The following RIC3 variants were observed in gnomAD, a reference collection of about 807,000 sequenced individuals.
RIC3 encodes the protein RIC3 acetylcholine receptor chaperone.
Under a neutral mutation model 27.3 loss-of-function variants are expected in RIC3, and 28 were observed. The ratio of observed to expected loss-of-function variants is 1.02; its 90% CI spans 0.76 to 1.41. The LOEUF is 1.41. Ranked by LOEUF, RIC3 falls within the 40% of genes most tolerant of loss-of-function variation. The pLI is 0.00. For missense variants in RIC3, 501 were observed against 444.7 expected, an observed-to-expected ratio of 1.13 and a Z score of -1.14; for synonymous variants, 184 against 160.4, an observed-to-expected ratio of 1.15 and a Z score of -1.11.
the RIC3 span, chr11:8,098,814 A>G: frequency 6.2e-7 from 1 of 1,614,210 alleles, no homozygotes; most frequent in Non-Finnish European, 8.5e-7. Context: ...AACCCTCAGA[A>G]GGCCTCATCC....
At chr11:8,129,463 C>A (rs1160855808) in intron 4 of RIC3, among the ~76,000 whole-genome samples, 1 of 152,074 alleles carries the variant, frequency 6.6e-6, no homozygotes, top group Non-Finnish European at 1.5e-5. Flanking sequence ...CACTTGGAGG[C>A]CTTGGAACTA....
chr11:8,112,294 C>CTTTTTTTTTTTTTTTT (rs11376341), intron 5 of RIC3, among the ~76,000 whole-genome samples: 1 of 124,316 alleles, frequency 8.0e-6, no homozygotes, highest in Non-Finnish European at 1.7e-5. Context: ...CTTTTCTTTT[C>CTTTTTTTTTTTTTTTT]TTTTTTTTTT....
intron 4 of RIC3, among the ~76,000 whole-genome samples, chr11:8,129,900 G>T (rs915111848): frequency 2.6e-5 from 4 of 152,116 alleles, no homozygotes; most frequent in Admixed American, 2.0e-4. Flanking sequence ...ATTTCCTATT[G>T]CTGTTTCATA....
intron 1 of RIC3, among the ~76,000 whole-genome samples, chr11:8,144,173 T>A (rs990440781): frequency 3.3e-5 from 5 of 151,840 alleles, no homozygotes; most frequent in East Asian, 1.9e-4. Context: ...GACAAAATTG[T>A]CAAATGGGAT....
At chr11:8,156,129 C>A (rs761257603) in intron 1 of RIC3, among the ~76,000 whole-genome samples, 1 of 152,224 alleles carries the variant, frequency 6.6e-6, no homozygotes, top group Non-Finnish European at 1.5e-5. Context: ...CCGATCCACA[C>A]ACTCAATACA....
chr11:8,138,656 T>C (rs990114064), intron 2 of RIC3: 28 of 337,034 alleles, frequency 8.3e-5, no homozygotes, highest in African/African-American at 3.8e-4. Context: ...TGTGCTAACA[T>C]GCTTAGATAT....
At chr11:8,168,450 T>C (rs1436531782) in intron 1 of RIC3, among the ~76,000 whole-genome samples, 2 of 152,158 alleles carry the variant, frequency 1.3e-5, no homozygotes, top group Non-Finnish European at 1.5e-5. Context: ...CCATTTGCCT[T>C]GATTTCGTAC....
chr11:8,097,538 G>A, the RIC3 span: 1 of 1,460,430 alleles, frequency 6.8e-7, no homozygotes, highest in Non-Finnish European at 9.5e-7. Flanking sequence ...GTTCCTCAAA[G>A]AAACTGCCTT....
chr11:8,140,298 G>T, intron 1 of RIC3, 105 bp from the exon 2 acceptor site: 1 of 1,054,056 alleles, frequency 9.5e-7, no homozygotes, highest in Non-Finnish European at 1.3e-6. Flanking sequence ...CAAACAAGTA[G>T]AAGAAAAAAA....
At chr11:8,160,619 A>G (rs1188372996) in intron 1 of RIC3, among the ~76,000 whole-genome samples, 1 of 152,234 alleles carries the variant, frequency 6.6e-6, no homozygotes, top group Non-Finnish European at 1.5e-5. Context: ...AAGGCTCAGA[A>G]TTCTAATATA....
intron 5 of RIC3, among the ~76,000 whole-genome samples, chr11:8,116,451 T>G (rs1945872507): frequency 7.0e-6 from 1 of 142,092 alleles, no homozygotes; most frequent in African/African-American, 2.6e-5. Flanking sequence ...TGAAAGTTTC[T>G]GTACAGCAAA....
At chr11:8,127,035 C>A in intron 4 of RIC3, 1 of 566,054 alleles carries the variant, frequency 1.8e-6, no homozygotes, top group Non-Finnish European at 3.1e-6. Flanking sequence ...AGTGATTGCC[C>A]AAGGTCCCGA....
Position 8,110,483 on chromosome 11 carries a change from A to G in RIC3, c.*215T>C. On this transcript the variant is annotated 3_prime_UTR_variant, in exon 6 of 6. Transcript: ENST00000309737. ...ATAGAGGAAAGGCAGGAAGAGAAAG[A>G]GCGAAGCTGTCCTGTGTTCACACTA... is the stretch of plus-strand genomic sequence containing the variant. 1 of 624,586 alleles carries G rather than the reference A, an allele frequency of 1.6e-6. No homozygotes were observed. Among genetic ancestry groups the G allele is most frequent in the Non-Finnish European group, 2.9e-6 (1 of 347,898 alleles). The allele number at this position is 624,586 out of a possible 1,614,324, so 38.7% of individuals were successfully genotyped here. A position where few individuals can be genotyped will look rare whatever the true frequency, so the allele number is the denominator to read the frequency against.
chr11:8,146,569 A>T (rs569458702), intron 1 of RIC3, among the ~76,000 whole-genome samples: 32 of 152,354 alleles, frequency 2.1e-4, no homozygotes, highest in Admixed American at 1.2e-3. Context: ...TGAGCCAAAT[A>T]TAAGTGACCA....
At position 8,110,553 on chromosome 11, in the gene RIC3, G is replaced by T. The variant is rs1470083907; in HGVS notation, c.*145C>A. ...TGACAGGTGTGTGAGCACCAGGAAG[G>T]ATACATGATATCCATGATAGTGGCC... On this transcript the variant is annotated 3_prime_UTR_variant, in exon 6 of 6. Coordinates refer to ENST00000309737, the MANE Select transcript of RIC3 (RefSeq NM_001206671.4). The T allele has an allele frequency of 2.6e-6, 2 of 769,082 alleles. No homozygotes were observed. The highest frequency in any genetic ancestry group is 1.9e-5 in the Admixed American group (1 of 52,368). The allele number at this position is 769,082 out of a possible 1,614,324, so 47.6% of individuals were successfully genotyped here.
chr11:8,139,800 C>A (rs1590235018), intron 2 of RIC3, 167 bp downstream of exon 2: 1 of 646,398 alleles, frequency 1.5e-6, no homozygotes, highest in Non-Finnish European at 2.6e-6. Flanking sequence ...TTATGTGAAA[C>A]TGAAATAATG....
chr11:8,096,736 A>G, the RIC3 span: 2 of 1,614,074 alleles, frequency 1.2e-6, no homozygotes, highest in Non-Finnish European at 8.5e-7. Context: ...GAGGAGGAGA[A>G]TAGCTCCAGC....
chr11:8,095,166 G>C, the RIC3 span, among the ~76,000 whole-genome samples: 1 of 152,176 alleles, frequency 6.6e-6, no homozygotes, highest in Non-Finnish European at 1.5e-5. Context: ...CTTGCCTATG[G>C]TCTGGATCAG....
At chr11:8,100,393 C>T in the RIC3 span, 137 of 831,374 alleles carry the variant, frequency 1.6e-4, no homozygotes, top group East Asian at 5.3e-4. Context: ...TGTTAGACTT[C>T]GGAGTGGAGA....
Sources: allele counts gnomAD v4.1 joint callset (sites outside exome capture counted in the v4.1 genomes callset), GRCh38; gene constraint gnomAD v4.1.1; transcripts MANE v1.5; gene names NCBI Gene and HGNC (gene_info 2026-07-23, HGNC 2026-07-21).